CEP162: variants seen among roughly 807,000 people sequenced by gnomAD.
The protein encoded by CEP162 is centrosomal protein 162.
CEP162 carries 141 observed loss-of-function variants against 169.2 expected under a neutral mutation model. The observed-to-expected ratio is 0.83, with a 90% CI of 0.73 to 0.96. CEP162 has a LOEUF of 0.96. Among genes scored for constraint, CEP162 ranks in the 40% least tolerant of loss-of-function variants. CEP162 has a pLI of 0.00. For synonymous variants in CEP162, 540 were observed against 526.4 expected (o/e 1.03, Z -0.35); for missense variants, 1,600 against 1,587.2 (o/e 1.01, Z -0.14).
chr6:84,131,264 T>C lies in CEP162; in HGVS notation c.3871-4752A>G, dbSNP rs141439036. 3.0e-3 allele frequency among the ~76,000 whole-genome samples: 456 copies of C among 152,312 alleles called. 2 individuals are homozygous for C. The highest frequency in any genetic ancestry group is 0.01 in the African/African-American group (416 of 41,568). ...TTCTTTTGCATTTGCTGAGGAGTGT[T>C]TTACTTCCAATTATGTGGTCAATTT... is the stretch of plus-strand genomic sequence containing the variant. On this transcript the variant is annotated intron_variant, in intron 25 of 26. Coordinates refer to ENST00000403245, the MANE Select transcript of CEP162 (RefSeq NM_014895.4).
chr6:84,174,686 T>A (rs2099531636), intron 15 of CEP162, 41 bp downstream of exon 15: 1 of 977,444 alleles, frequency 1.0e-6, no homozygotes, highest in South Asian at 1.7e-5. Flanking sequence ...TTTTTTTTTT[T>A]TAATAAATAT....
At position 84,125,056 on chromosome 6, in the gene CEP162, A is replaced by T; in HGVS notation, c.*14T>A. On this transcript the variant is annotated 3_prime_UTR_variant, in exon 27 of 27. Transcript: ENST00000403245. ...AGGCCTTTTAATAAGGTCATTATGA[A>T]ATCTGAATTTCTATTAATACTCTGG... is the stretch of plus-strand genomic sequence containing the variant. The T allele has an allele frequency of 6.3e-7, 1 of 1,599,352 alleles. No individual in the cohort carries two copies.
At chr6:84,149,777 A>C (rs2099520419) in intron 23 of CEP162, 74 bp from the exon 24 acceptor site, 1 of 1,282,144 alleles carries the variant, frequency 7.8e-7, no homozygotes. Flanking sequence ...GCACAAAAAC[A>C]GTAGAAGAAA....
chr6:84,209,217 T>A (rs1333062543), intron 6 of CEP162, among the ~76,000 whole-genome samples: 1 of 152,158 alleles, frequency 6.6e-6, no homozygotes, highest in East Asian at 1.9e-4. Context: ...ACTTTTTCCA[T>A]CTGTAAATTG....
intron 3 of CEP162, chr6:84,219,038 A>G (rs986481332): frequency 1.5e-5 from 6 of 398,594 alleles, no homozygotes; most frequent in African/African-American, 6.5e-5. Context: ...TTTTATTCCT[A>G]TGGCAACTGG....
At chr6:84,179,063 A>G (rs2099533627) in intron 13 of CEP162, among the ~76,000 whole-genome samples, 1 of 152,110 alleles carries the variant, frequency 6.6e-6, no homozygotes, top group African/African-American at 2.4e-5. Context: ...TCTATCATTG[A>G]TGGACATCTG....
intron 2 of CEP162, among the ~76,000 whole-genome samples, chr6:84,222,721 T>G (rs1588901044): frequency 6.6e-6 from 1 of 152,318 alleles, no homozygotes; most frequent in East Asian, 1.9e-4. Context: ...TAGAATATTG[T>G]TATCTGAGTG....
chr6:84,178,825 G>A (rs1044839447), intron 13 of CEP162, among the ~76,000 whole-genome samples: 5 of 151,928 alleles, frequency 3.3e-5, no homozygotes, highest in East Asian at 3.9e-4. Context: ...CCAACCCCAC[G>A]ACAGGCCCTG....
chr6:84,225,962 G>A (rs9449849), intron 2 of CEP162, among the ~76,000 whole-genome samples: 7,100 of 152,208 alleles, frequency 0.047, 329 homozygotes, highest in African/African-American at 0.12. Flanking sequence ...AATAAAGTGG[G>A]TGAAAGAGGG....
intron 25 of CEP162, among the ~76,000 whole-genome samples, chr6:84,141,432 C>T (rs2099516594): frequency 6.6e-6 from 1 of 152,078 alleles, no homozygotes; most frequent in South Asian, 2.1e-4. Flanking sequence ...TAAATTCCTC[C>T]TTACCTACCT....
chr6:84,224,295 C>T (rs1562103556), intron 2 of CEP162, among the ~76,000 whole-genome samples: 2 of 152,114 alleles, frequency 1.3e-5, no homozygotes, highest in Non-Finnish European at 2.9e-5. Flanking sequence ...CAAAGGGCCC[C>T]ATAATATATA....
chr6:84,183,475 T>A (rs1411019021), intron 13 of CEP162, among the ~76,000 whole-genome samples: 1 of 152,102 alleles, frequency 6.6e-6, no homozygotes, highest in Non-Finnish European at 1.5e-5. Flanking sequence ...CCCAGTCTCA[T>A]TCCCTCATCT....
chr6:84,138,945 A>G (rs1190470133), intron 25 of CEP162, among the ~76,000 whole-genome samples: 1 of 152,210 alleles, frequency 6.6e-6, no homozygotes, highest in African/African-American at 2.4e-5. Flanking sequence ...GCGTAATTGT[A>G]GAGTGTTTTT....
chr6:84,195,141 A>G, intron 9 of CEP162, 66 bp from the exon 10 acceptor site: 1 of 1,242,102 alleles, frequency 8.1e-7, no homozygotes, highest in Non-Finnish European at 1.1e-6. Flanking sequence ...ATAAAACACT[A>G]ATATCATTCC....
intron 8 of CEP162, among the ~76,000 whole-genome samples, 156 bp from the exon 9 acceptor site, chr6:84,201,061 G>A (rs1284011157): frequency 6.6e-6 from 1 of 152,290 alleles, no homozygotes; most frequent in South Asian, 2.1e-4. Context: ...GGCAGATCAC[G>A]AGGTCAGGAG....
chr6:84,169,920 A>G (rs575104239), intron 17 of CEP162, among the ~76,000 whole-genome samples: 6 of 152,282 alleles, frequency 3.9e-5, no homozygotes, highest in Non-Finnish European at 7.3e-5. Flanking sequence ...TGGATTCCAC[A>G]TAAGATCATC....
chr6:84,141,047 T>C (rs1231228247), intron 25 of CEP162, among the ~76,000 whole-genome samples: 1 of 152,132 alleles, frequency 6.6e-6, no homozygotes, highest in South Asian at 2.1e-4. Context: ...CACGCTCCTA[T>C]GAGAATCTAA....
rs774824781 is a variant in CEP162 at position 84,155,474 on chromosome 6, GA to G, written c.2817del (p.Asn941IlefsTer6). The G allele has an allele frequency of 1.2e-6, 2 of 1,612,374 alleles. No homozygotes were observed. Among genetic ancestry groups the G allele is most frequent in the South Asian group, 2.2e-5 (2 of 91,026 alleles). ...KEMEGILKRR[Y>X]PNSLPALILA... ...AATATTAAAGCAGGTAAAGAATTGG[GA>G]TATCTTCTCTTCAGAATCCCTTCCA... On this transcript the variant is annotated frameshift_variant, in exon 22 of 27. Coordinates refer to ENST00000403245, the MANE Select transcript of CEP162 (RefSeq NM_014895.4). LOFTEE classifies it high-confidence loss of function.
intron 25 of CEP162, among the ~76,000 whole-genome samples, chr6:84,142,663 G>GT (rs759586265): frequency 3.9e-5 from 6 of 152,104 alleles, no homozygotes; most frequent in Non-Finnish European, 8.8e-5. Flanking sequence ...GTTGTCAACA[G>GT]TAAGTATAAT....
Sources: allele counts gnomAD v4.1 joint callset (sites outside exome capture counted in the v4.1 genomes callset), GRCh38; gene constraint gnomAD v4.1.1; transcripts MANE v1.5; gene names NCBI Gene and HGNC (gene_info 2026-07-23, HGNC 2026-07-21).